SPATA6: variants seen among roughly 807,000 people sequenced by gnomAD.
The protein encoded by SPATA6 is spermatogenesis associated 6, also known as spermatogenesis-associated protein 6.
A neutral mutation model predicts 65.3 loss-of-function variants in SPATA6; 56 were observed. The ratio of observed to expected loss-of-function variants is 0.86; its 90% confidence interval spans 0.69 to 1.07. The LOEUF (loss-of-function observed/expected upper bound fraction) is 1.07. SPATA6 is among the 50% of genes least tolerant of loss of function. The pLI is 0.00. For synonymous variants in SPATA6, 199 were observed against 213.2 expected (o/e 0.93, Z 0.58); for missense variants, 590 against 594.8 (o/e 0.99, Z 0.08).
intron 8 of SPATA6, among the ~76,000 whole-genome samples, chr1:48,391,611 T>C (rs1304492394): frequency 6.6e-6 from 1 of 152,160 alleles, no homozygotes; most frequent in Non-Finnish European, 1.5e-5. Context: ...TGTTCATATT[T>C]AATCACCCTC....
At chr1:48,365,783 A>G (rs11801402) in intron 9 of SPATA6, among the ~76,000 whole-genome samples, 114 of 152,210 alleles carry the variant, frequency 7.5e-4, no homozygotes, top group African/African-American at 2.6e-3. Context: ...AATACCCTTT[A>G]TTTCCTTCTC....
chr1:48,341,688 G>T (rs542210777), intron 11 of SPATA6, among the ~76,000 whole-genome samples: 3 of 152,142 alleles, frequency 2.0e-5, no homozygotes, highest in East Asian at 1.9e-4. Flanking sequence ...TATAATCTAT[G>T]GTAAGAACTA....
At chr1:48,308,170 T>A (rs1485198743) in intron 11 of SPATA6, among the ~76,000 whole-genome samples, 1 of 151,978 alleles carries the variant, frequency 6.6e-6, no homozygotes, top group East Asian at 1.9e-4. Context: ...TTCTCCATCG[T>A]TGCCTTCTTT....
At chr1:48,307,151 G>T (rs1221140786) in intron 11 of SPATA6, among the ~76,000 whole-genome samples, 1 of 151,210 alleles carries the variant, frequency 6.6e-6, no homozygotes, top group Non-Finnish European at 1.5e-5. Context: ...GAAAGACTTG[G>T]CAAAGAAACG....
intron 11 of SPATA6, among the ~76,000 whole-genome samples, chr1:48,337,710 G>GA (rs1646098459): frequency 6.6e-6 from 1 of 151,546 alleles, no homozygotes; most frequent in Admixed American, 6.6e-5. Flanking sequence ...ATCATACCAA[G>GA]AAAAAACAGA....
chr1:48,351,248 TAG>T (rs771257186), intron 11 of SPATA6, among the ~76,000 whole-genome samples: 12 of 152,008 alleles, frequency 7.9e-5, no homozygotes, highest in Non-Finnish European at 1.0e-4. Flanking sequence ...CTAGATCCTT[TAG>T]AGTTTTCTAC....
At chr1:48,469,703 T>C (rs1376030660) in intron 1 of SPATA6, among the ~76,000 whole-genome samples, 1 of 151,950 alleles carries the variant, frequency 6.6e-6, no homozygotes, top group Non-Finnish European at 1.5e-5. Flanking sequence ...AAAATGAAGA[T>C]GTTAAAAATA....
intron 11 of SPATA6, among the ~76,000 whole-genome samples, chr1:48,319,873 A>T (rs1645550620): frequency 6.6e-6 from 1 of 152,138 alleles, no homozygotes; most frequent in Non-Finnish European, 1.5e-5. Flanking sequence ...GAGCACTTTC[A>T]CATGCCCCAA....
At chr1:48,298,918 C>G (rs1644864232) in intron 12 of SPATA6, 25 bp from the exon 13 acceptor site, 16 of 1,600,584 alleles carry the variant, frequency 1.0e-5, no homozygotes, top group Non-Finnish European at 1.2e-5. Context: ...ATAAAAGGTT[C>G]AAAACAATAA....
intron 5 of SPATA6, among the ~76,000 whole-genome samples, chr1:48,404,663 A>C (rs1651520575): frequency 1.3e-5 from 2 of 152,114 alleles, no homozygotes; most frequent in South Asian, 4.1e-4. Flanking sequence ...AATTTAAAAA[A>C]AACAAAACAA....
At chr1:48,406,481 C>T (rs1293539734) in intron 5 of SPATA6, among the ~76,000 whole-genome samples, 1 of 152,144 alleles carries the variant, frequency 6.6e-6, no homozygotes, top group Non-Finnish European at 1.5e-5. Flanking sequence ...GATTAATCAT[C>T]ACACCATTTT....
the SPATA6 span, among the ~76,000 whole-genome samples, chr1:48,276,321 T>G: frequency 6.6e-6 from 1 of 152,262 alleles, no homozygotes; most frequent in East Asian, 1.9e-4. Flanking sequence ...GAAGGGTTTT[T>G]CATGTCTCTT....
chr1:48,380,078 A>G (rs1648382350), intron 9 of SPATA6, among the ~76,000 whole-genome samples: 1 of 152,258 alleles, frequency 6.6e-6, no homozygotes, highest in Admixed American at 6.5e-5. Context: ...AGCTGGAGAA[A>G]AAAGAAAAAG....
chr1:48,469,549 A>G (rs1254730956), intron 1 of SPATA6, among the ~76,000 whole-genome samples: 1 of 151,690 alleles, frequency 6.6e-6, no homozygotes, highest in Non-Finnish European at 1.5e-5. Flanking sequence ...TATCAAAACC[A>G]GTGAAAATGG....
intron 12 of SPATA6, among the ~76,000 whole-genome samples, chr1:48,302,454 C>A (rs1644962320): frequency 1.3e-5 from 2 of 152,148 alleles, no homozygotes; most frequent in Non-Finnish European, 2.9e-5. Flanking sequence ...GTTTAGCTCC[C>A]ATTTACAATG....
chr1:48,464,378 C>T (rs933143801), intron 1 of SPATA6, among the ~76,000 whole-genome samples: 5 of 152,082 alleles, frequency 3.3e-5, no homozygotes, highest in African/African-American at 7.2e-5. Context: ...TTTCAAACAA[C>T]GTCATTTTCC....
chr1:48,470,647 T>C (rs1658168830), intron 1 of SPATA6, among the ~76,000 whole-genome samples: 1 of 152,058 alleles, frequency 6.6e-6, no homozygotes. Context: ...AAAACAGTCC[T>C]GTGATTTTCC....
At chr1:48,303,628 CA>C (rs1438706653) in intron 12 of SPATA6, among the ~76,000 whole-genome samples, 1 of 152,038 alleles carries the variant, frequency 6.6e-6, no homozygotes, top group African/African-American at 2.4e-5. Flanking sequence ...AATAATATTC[CA>C]TTGTGTATAT....
chr1:48,277,736 C>T, the SPATA6 span, among the ~76,000 whole-genome samples: 1 of 152,222 alleles, frequency 6.6e-6, no homozygotes, highest in South Asian at 2.1e-4. Flanking sequence ...TCTGTAGGCT[C>T]CACCTCTGGG....
Sources: allele counts gnomAD v4.1 joint callset (sites outside exome capture counted in the v4.1 genomes callset), GRCh38; gene constraint gnomAD v4.1.1; transcripts MANE v1.5; gene names NCBI Gene and HGNC (gene_info 2026-07-23, HGNC 2026-07-21).